AGTPBP1: variants seen among roughly 807,000 people sequenced by gnomAD.
AGTPBP1 encodes the protein cytosolic carboxypeptidase 1.
AGTPBP1 carries 70 observed loss-of-function variants against 143.9 expected under a neutral mutation model. The observed-to-expected ratio is 0.49, with a 90% CI of 0.40 to 0.59. AGTPBP1 has a LOEUF of 0.59. Among genes scored for constraint, AGTPBP1 ranks in the 20% least tolerant of loss-of-function variants. The probability of loss-of-function intolerance (pLI) is 0.00; values close to 1 mark genes in which losing one functional copy is unlikely to be tolerated. For missense variants in AGTPBP1, 1,229 were observed against 1,464.5 expected (o/e 0.84, Z 2.62); for synonymous variants, 463 against 500.2 (o/e 0.93, Z 0.99).
chr9:85,764,122 GA>G, the AGTPBP1 span, among the ~76,000 whole-genome samples: 1 of 149,690 alleles, frequency 6.7e-6, no homozygotes, highest in Non-Finnish European at 1.5e-5. Flanking sequence ...TAGAAAATAA[GA>G]AAAAAGAAAA....
At chr9:85,700,058 C>T (rs1463356434) in intron 2 of AGTPBP1, among the ~76,000 whole-genome samples, 1 of 152,168 alleles carries the variant, frequency 6.6e-6, no homozygotes, top group African/African-American at 2.4e-5. Flanking sequence ...CAACCTGTTA[C>T]AGTATCACAC....
intron 3 of AGTPBP1, among the ~76,000 whole-genome samples, chr9:85,684,578 C>T (rs1027353459): frequency 6.6e-6 from 1 of 152,096 alleles, no homozygotes; most frequent in Admixed American, 6.6e-5. Context: ...AACAAGTACT[C>T]TATATTCCCT....
chr9:85,592,531 T>C (rs768602380), intron 19 of AGTPBP1, 29 bp downstream of exon 19: 8 of 1,505,878 alleles, frequency 5.3e-6, no homozygotes, highest in South Asian at 2.5e-5. Flanking sequence ...TACATATCCA[T>C]ATAATACAAT....
the AGTPBP1 span, among the ~76,000 whole-genome samples, chr9:85,759,304 T>C: frequency 6.6e-6 from 1 of 152,108 alleles, no homozygotes; most frequent in Non-Finnish European, 1.5e-5. Context: ...CCACCCCACA[T>C]CAACACAATA....
rs773686523 is a variant in AGTPBP1 at position 85,586,814 on chromosome 9, C to T, written c.3033+17G>A. ...TATCTTTGACTATCCCAAGTAAAAA[C>T]AAGTATTGCTACTTACCAAGGGTAA... is the stretch of plus-strand genomic sequence containing the variant. On this transcript the variant is annotated intron_variant, in intron 22 of 25. Transcript: ENST00000357081. 2 of 1,604,386 alleles carry T rather than the reference C, an allele frequency of 1.2e-6. No individual in the cohort carries two copies. The highest frequency in any genetic ancestry group is 2.7e-5 in the African/African-American group (2 of 74,850).
At chr9:85,601,170 T>C (rs1829644255) in intron 17 of AGTPBP1, among the ~76,000 whole-genome samples, 3 of 152,176 alleles carry the variant, frequency 2.0e-5, no homozygotes. Flanking sequence ...CTGCCACTGA[T>C]AGCTGCATAG....
intron 14 of AGTPBP1, among the ~76,000 whole-genome samples, chr9:85,625,643 T>C (rs918306769): frequency 6.6e-6 from 1 of 152,048 alleles, no homozygotes; most frequent in Non-Finnish European, 1.5e-5. Context: ...TCCAGCACTT[T>C]GGGAGGCTGA....
At chr9:85,786,912 A>G in the AGTPBP1 span, among the ~76,000 whole-genome samples, 1 of 152,188 alleles carries the variant, frequency 6.6e-6, no homozygotes, top group Non-Finnish European at 1.5e-5. Context: ...ATGTATTACT[A>G]TATAATATAA....
chr9:85,564,803 T>C (rs1385931819), intron 25 of AGTPBP1, among the ~76,000 whole-genome samples: 1 of 152,254 alleles, frequency 6.6e-6, no homozygotes, highest in African/African-American at 2.4e-5. Context: ...AAACGATGCA[T>C]GACTATATTC....
intron 3 of AGTPBP1, among the ~76,000 whole-genome samples, chr9:85,683,027 T>G (rs911861527): frequency 1.3e-4 from 20 of 152,186 alleles, no homozygotes; most frequent in African/African-American, 3.6e-4. Context: ...ATGCATCATC[T>G]CGGGTTCAGT....
At chr9:85,741,958 C>T (rs1247918963), upstream of AGTPBP1, 19 of 1,258,484 alleles carry the variant, frequency 1.5e-5, no homozygotes, top group Non-Finnish European at 1.7e-5. Context: ...GGAACCTGTC[C>T]GCATCCCGGG....
intron 25 of AGTPBP1, among the ~76,000 whole-genome samples, chr9:85,550,953 C>G (rs1001575675): frequency 5.9e-5 from 9 of 152,066 alleles, no homozygotes; most frequent in Admixed American, 5.9e-4. Flanking sequence ...AGAGGTGGGG[C>G]CTGGTGGGAG....
chr9:85,662,375 A>T (rs1330162770), intron 8 of AGTPBP1, among the ~76,000 whole-genome samples: 1 of 152,198 alleles, frequency 6.6e-6, no homozygotes, highest in Non-Finnish European at 1.5e-5. Flanking sequence ...AGTGTTGGTG[A>T]GTTAAAAATA....
At chr9:85,742,787 A>G (rs1824454382), upstream of AGTPBP1, among the ~76,000 whole-genome samples, 1 of 152,244 alleles carries the variant, frequency 6.6e-6, no homozygotes, top group Admixed American at 6.5e-5. Flanking sequence ...TGTATTGCAA[A>G]TAAATACTGA....
intron 25 of AGTPBP1, among the ~76,000 whole-genome samples, chr9:85,563,543 C>A (rs1044168553): frequency 3.3e-5 from 5 of 151,940 alleles, no homozygotes; most frequent in African/African-American, 1.2e-4. Context: ...AAATGCAAGA[C>A]AAGAGAAATT....
At chr9:85,611,155 C>CTTTTTTTTTTTTTT (rs56023115) in intron 17 of AGTPBP1, among the ~76,000 whole-genome samples, 4 of 112,730 alleles carry the variant, frequency 3.5e-5, no homozygotes, top group Non-Finnish European at 7.2e-5. Flanking sequence ...AGGGGCTTTT[C>CTTTTTTTTTTTTTT]TTTTTTTTTT....
chr9:85,550,886 T>C (rs545426436), intron 25 of AGTPBP1, among the ~76,000 whole-genome samples: 1 of 152,298 alleles, frequency 6.6e-6, no homozygotes, highest in South Asian at 2.1e-4. Flanking sequence ...AAGGTATTGA[T>C]AGGGTTTGGA....
chr9:85,743,557 C>T (rs964353796), upstream of AGTPBP1, among the ~76,000 whole-genome samples: 1 of 152,218 alleles, frequency 6.6e-6, no homozygotes, highest in Non-Finnish European at 1.5e-5. Context: ...CTTCACCTCT[C>T]CTAGCTAATG....
At chr9:85,571,576 T>G (rs1827464188) in intron 25 of AGTPBP1, among the ~76,000 whole-genome samples, 1 of 152,212 alleles carries the variant, frequency 6.6e-6, no homozygotes, top group Non-Finnish European at 1.5e-5. Context: ...CCCATTAAAA[T>G]ATTTATTAAT....
Sources: allele counts gnomAD v4.1 joint callset (sites outside exome capture counted in the v4.1 genomes callset), GRCh38; gene constraint gnomAD v4.1.1; transcripts MANE v1.5; gene names NCBI Gene and HGNC (gene_info 2026-07-23, HGNC 2026-07-21).